Variants in KIF6 observed in about 807,000 individuals in gnomAD.
The protein encoded by KIF6 is kinesin family member 6.
KIF6 carries 106 observed loss-of-function variants against 112.7 expected under a neutral mutation model. The ratio of observed to expected loss-of-function variants is 0.94; its 90% CI spans 0.80 to 1.11. KIF6 has a LOEUF of 1.11. Among genes scored for constraint, KIF6 ranks in the 50% least tolerant of loss-of-function variants. The pLI is 0.00. For synonymous variants in KIF6, 339 were observed against 339.9 expected (o/e 1.00, Z 0.03); for missense variants, 929 against 964.0 (o/e 0.96, Z 0.48).
chr6:39,519,827 G>A (rs1403679166), intron 13 of KIF6, among the ~76,000 whole-genome samples: 1 of 152,138 alleles, frequency 6.6e-6, no homozygotes, highest in East Asian at 1.9e-4. Flanking sequence ...TTCGAGACCA[G>A]CCTGGCCAAC....
At chr6:39,451,636 G>A (rs1772708240) in intron 13 of KIF6, among the ~76,000 whole-genome samples, 1 of 152,132 alleles carries the variant, frequency 6.6e-6, no homozygotes, top group South Asian at 2.1e-4. Flanking sequence ...GTGTGGTAAG[G>A]CTGAGGGAGG....
chr6:39,420,230 C>G (rs1770251098), intron 14 of KIF6, among the ~76,000 whole-genome samples: 1 of 152,194 alleles, frequency 6.6e-6, no homozygotes, highest in South Asian at 2.1e-4. Context: ...TTTGTATTCT[C>G]ATAGTCTCTC....
chr6:39,605,649 G>C (rs1366651312), intron 6 of KIF6, among the ~76,000 whole-genome samples: 1 of 152,124 alleles, frequency 6.6e-6, no homozygotes, highest in Non-Finnish European at 1.5e-5. Context: ...TGCAATCTTC[G>C]AGTTTGGACA....
rs1762888260 is a variant in KIF6, at chr6:39,335,713, C to A, written c.*819G>T. ...CTGTCATGGAGAGGGCCCATGGAGA[C>A]AAGACCCCCAGGCAGCTATGTTTTT... On this transcript the variant is annotated 3_prime_UTR_variant, in exon 23 of 23. Transcript: ENST00000287152. 6.6e-6 allele frequency: 1 copy of A among 152,358 alleles called. No individual in the cohort carries two copies. Among genetic ancestry groups the A allele is most frequent in the Admixed American group, 6.5e-5 (1 of 15,308 alleles). The allele number at this position is 152,358 out of a possible 1,614,324, so 9.4% of individuals were successfully genotyped here. A position where few individuals can be genotyped will look rare whatever the true frequency, so the allele number is the denominator to read the frequency against.
At chr6:39,559,796 T>C (rs1343419835) in intron 10 of KIF6, among the ~76,000 whole-genome samples, 2 of 151,908 alleles carry the variant, frequency 1.3e-5, no homozygotes, top group African/African-American at 4.8e-5. Flanking sequence ...TTTTGGCCTT[T>C]GAAAACCTTT....
intron 10 of KIF6, among the ~76,000 whole-genome samples, chr6:39,551,462 T>C (rs1389319728): frequency 2.6e-5 from 4 of 152,136 alleles, no homozygotes; most frequent in East Asian, 1.9e-4. Flanking sequence ...CAATAATTTA[T>C]TGTATATTTC....
At chr6:39,644,143 C>T (rs1785044407) in intron 3 of KIF6, among the ~76,000 whole-genome samples, 1 of 136,914 alleles carries the variant, frequency 7.3e-6, no homozygotes, top group Non-Finnish European at 1.5e-5. Context: ...ATTTCACACC[C>T]ACTAGTATGG....
chr6:39,501,108 C>T (rs565299010), intron 13 of KIF6, among the ~76,000 whole-genome samples: 1 of 152,136 alleles, frequency 6.6e-6, no homozygotes, highest in South Asian at 2.1e-4. Flanking sequence ...TGACGGCTTA[C>T]TCGGGAGCAA....
chr6:39,380,559 A>G (rs920681195), intron 16 of KIF6, among the ~76,000 whole-genome samples: 1 of 152,196 alleles, frequency 6.6e-6, no homozygotes, highest in South Asian at 2.1e-4. Context: ...GCACGCGCAC[A>G]CACACACACG....
chr6:39,706,922 G>A (rs1156932289), intron 3 of KIF6, among the ~76,000 whole-genome samples: 1 of 152,126 alleles, frequency 6.6e-6, no homozygotes, highest in African/African-American at 2.4e-5. Flanking sequence ...CAGAACAAAT[G>A]TCACTAAAAT....
At chr6:39,442,895 T>C (rs1277880117) in intron 13 of KIF6, among the ~76,000 whole-genome samples, 2 of 151,758 alleles carry the variant, frequency 1.3e-5, no homozygotes, top group Non-Finnish European at 2.9e-5. Context: ...GGGCGGATCA[T>C]GAGGTCAGGA....
chr6:39,563,327 A>G (rs1780109469), intron 10 of KIF6, among the ~76,000 whole-genome samples: 1 of 152,228 alleles, frequency 6.6e-6, no homozygotes, highest in Non-Finnish European at 1.5e-5. Context: ...TTATCTTTCC[A>G]GACTTGTTTG....
chr6:39,556,401 G>A (rs1228922320), intron 10 of KIF6, among the ~76,000 whole-genome samples: 2 of 152,100 alleles, frequency 1.3e-5, no homozygotes, highest in Admixed American at 1.3e-4. Flanking sequence ...CAGAAACAAG[G>A]TTTTAGAAAA....
rs145953868 is a variant in KIF6 at position 39,453,011 on chromosome 6, G to A, written c.1646-21850C>T. Among the ~76,000 whole-genome samples, 21 of 152,332 alleles carry A rather than the reference G, an allele frequency of 1.4e-4. No homozygotes were observed. The East Asian group carries it at 4.0e-3, about 29-fold the overall frequency. ...CCCACAACTTTGTTAAAGAATCAGTGATGACGGATGCCTCCAAGTTGCCCA... is the reference window on the plus strand; with the variant it reads ...CCCACAACTTTGTTAAAGAATCAGTAATGACGGATGCCTCCAAGTTGCCCA... On this transcript the variant is annotated intron_variant, in intron 13 of 22. Coordinates refer to ENST00000287152, the MANE Select transcript of KIF6 (RefSeq NM_145027.6).
intron 3 of KIF6, among the ~76,000 whole-genome samples, chr6:39,666,312 T>G (rs926083406): frequency 1.3e-5 from 2 of 152,240 alleles, no homozygotes; most frequent in Admixed American, 1.3e-4. Flanking sequence ...TAAGCATTTA[T>G]AAAGTACTTT....
intron 13 of KIF6, among the ~76,000 whole-genome samples, chr6:39,502,968 C>T (rs1280166361): frequency 1.3e-5 from 2 of 152,154 alleles, no homozygotes; most frequent in Non-Finnish European, 2.9e-5. Flanking sequence ...AGGACCTCAA[C>T]TCAGCTCTGG....
chr6:39,348,018 G>C (rs1763943142), intron 19 of KIF6, among the ~76,000 whole-genome samples: 1 of 152,236 alleles, frequency 6.6e-6, no homozygotes, highest in Non-Finnish European at 1.5e-5. Context: ...GTAGCCACCA[G>C]GTGGCAGGCT....
At chr6:39,655,498 T>C (rs748555236) in intron 3 of KIF6, among the ~76,000 whole-genome samples, 8 of 152,160 alleles carry the variant, frequency 5.3e-5, no homozygotes, top group Non-Finnish European at 1.0e-4. Flanking sequence ...TTGCATTTCA[T>C]GTCTTCACAG....
At chr6:39,487,720 G>A (rs1025169692) in intron 13 of KIF6, among the ~76,000 whole-genome samples, 3 of 152,172 alleles carry the variant, frequency 2.0e-5, no homozygotes, top group African/African-American at 4.8e-5. Context: ...TTTGTTTTGC[G>A]AATGGGCAGT....
Sources: allele counts gnomAD v4.1 joint callset (sites outside exome capture counted in the v4.1 genomes callset), GRCh38; gene constraint gnomAD v4.1.1; transcripts MANE v1.5; gene names NCBI Gene and HGNC (gene_info 2026-07-23, HGNC 2026-07-21).